ST8SIA5: variants seen among roughly 807,000 people sequenced by gnomAD.
ST8SIA5 encodes the protein ST8 alpha-N-acetyl-neuraminide alpha-2,8-sialyltransferase 5, also known as alpha-2,8-sialyltransferase 8E.
Under a neutral mutation model 40.2 loss-of-function variants are expected in ST8SIA5, and 24 were observed. The ratio of observed to expected loss-of-function variants is 0.60; its 90% CI spans 0.43 to 0.84. The LOEUF (loss-of-function observed/expected upper bound fraction) is 0.84. ST8SIA5 is among the 40% of genes least tolerant of loss of function. The probability of loss-of-function intolerance (pLI) is 0.00; values close to 1 mark genes in which losing one functional copy is unlikely to be tolerated. For synonymous variants in ST8SIA5, 198 were observed against 201.8 expected, an observed-to-expected ratio of 0.98 and a Z score of 0.16; for missense variants, 465 against 498.5, an observed-to-expected ratio of 0.93 and a Z score of 0.64.
chr18:46,691,555 A>G (rs1472396857), intron 3 of ST8SIA5: 1 of 152,856 alleles, frequency 6.5e-6, no homozygotes, highest in Non-Finnish European at 1.5e-5. Flanking sequence ...AGAAGACCCT[A>G]AAGTTCACCA....
At chr18:46,688,168 GCCCTGCA>G (rs948595254) in intron 4 of ST8SIA5, among the ~76,000 whole-genome samples, 1 of 152,196 alleles carries the variant, frequency 6.6e-6, no homozygotes. Flanking sequence ...CACCGTGCCA[GCCCTGCA>G]CAGCCTACCT....
intron 1 of ST8SIA5, among the ~76,000 whole-genome samples, chr18:46,747,156 C>A (rs11082556): frequency 0.72 from 110,041 of 152,058 alleles, 40,327 homozygotes; most frequent in Middle Eastern, 0.8. Flanking sequence ...GGACATAGGC[C>A]TGGGCAAGGA....
chr18:46,685,285 G>A (rs1040923268), intron 5 of ST8SIA5, among the ~76,000 whole-genome samples: 2 of 152,162 alleles, frequency 1.3e-5, no homozygotes, highest in African/African-American at 4.8e-5. Context: ...CAGGAATGTG[G>A]CTGGGCTAAG....
At chr18:46,753,487 G>A (rs2040213759) in intron 1 of ST8SIA5, among the ~76,000 whole-genome samples, 2 of 151,870 alleles carry the variant, frequency 1.3e-5, no homozygotes, top group Non-Finnish European at 1.5e-5. Flanking sequence ...GCAGGAGAAT[G>A]GCCTGAACCC....
chr18:46,703,176 C>T (rs1378175443), intron 2 of ST8SIA5, among the ~76,000 whole-genome samples: 3 of 152,198 alleles, frequency 2.0e-5, no homozygotes, highest in East Asian at 1.9e-4. Context: ...GACGGAGTCT[C>T]GCTCTGTCAC....
intron 1 of ST8SIA5, among the ~76,000 whole-genome samples, chr18:46,707,804 C>T (rs1005280000): frequency 6.6e-6 from 1 of 152,194 alleles, no homozygotes; most frequent in African/African-American, 2.4e-5. Context: ...GACTCCTCTT[C>T]CCTTTTACTA....
chr18:46,729,595 C>T (rs1599140717), intron 1 of ST8SIA5, among the ~76,000 whole-genome samples: 1 of 152,146 alleles, frequency 6.6e-6, no homozygotes, highest in African/African-American at 2.4e-5. Context: ...AACTCCCACC[C>T]AAGAGACAAG....
intron 1 of ST8SIA5, among the ~76,000 whole-genome samples, chr18:46,714,603 A>G (rs1322212437): frequency 1.3e-5 from 2 of 152,046 alleles, no homozygotes; most frequent in South Asian, 4.1e-4. Context: ...CCAGGGAGGG[A>G]GTGCTATCCC....
chr18:46,684,935 C>T (rs2144465945), intron 5 of ST8SIA5, among the ~76,000 whole-genome samples: 1 of 152,178 alleles, frequency 6.6e-6, no homozygotes, highest in South Asian at 2.1e-4. Flanking sequence ...CGGCAGTTGG[C>T]AACGCAGGAT....
At chr18:46,695,398 T>C (rs1668437361) in intron 2 of ST8SIA5, among the ~76,000 whole-genome samples, 1 of 152,184 alleles carries the variant, frequency 6.6e-6, no homozygotes. Context: ...TTCAGATAGC[T>C]GCCAACTATG....
intron 1 of ST8SIA5, among the ~76,000 whole-genome samples, chr18:46,735,078 T>C (rs1460728073): frequency 6.6e-6 from 1 of 152,256 alleles, no homozygotes; most frequent in Admixed American, 6.5e-5. Context: ...GCCTTCATCT[T>C]TCTCCATGCT....
chr18:46,680,622 G>C, intron 6 of ST8SIA5, 112 bp from the exon 7 acceptor site: 1 of 1,106,730 alleles, frequency 9.0e-7, no homozygotes, highest in Non-Finnish European at 1.3e-6. Flanking sequence ...GACTCATAAG[G>C]CCACCTGCCT....
intron 1 of ST8SIA5, among the ~76,000 whole-genome samples, chr18:46,744,791 C>T (rs931304843): frequency 1.3e-4 from 20 of 152,142 alleles, no homozygotes; most frequent in Admixed American, 7.9e-4. Context: ...CGCACTTATT[C>T]TAAAATTGAC....
chr18:46,704,200 C>T (rs868593834), intron 2 of ST8SIA5, among the ~76,000 whole-genome samples: 33 of 152,138 alleles, frequency 2.2e-4, no homozygotes, highest in African/African-American at 6.8e-4. Context: ...AAGAGGGCAA[C>T]GCTTAACCCT....
intron 1 of ST8SIA5, among the ~76,000 whole-genome samples, chr18:46,725,134 T>C (rs999217489): frequency 1.3e-5 from 2 of 152,178 alleles, no homozygotes; most frequent in Non-Finnish European, 2.9e-5. Flanking sequence ...AGAGGTTTAG[T>C]AGCTTGCCCA....
intron 1 of ST8SIA5, among the ~76,000 whole-genome samples, chr18:46,706,602 T>C (rs1250214206): frequency 2.6e-5 from 4 of 152,206 alleles, no homozygotes; most frequent in Non-Finnish European, 5.9e-5. Flanking sequence ...CACGAGCATC[T>C]CAAACACAGA....
chr18:46,682,641 T>A (rs1360639396), intron 5 of ST8SIA5, among the ~76,000 whole-genome samples: 2 of 152,240 alleles, frequency 1.3e-5, no homozygotes, highest in East Asian at 3.9e-4. Context: ...CCTGTGACTA[T>A]GCAGCCTTAC....
intron 2 of ST8SIA5, among the ~76,000 whole-genome samples, chr18:46,698,534 C>T (rs633780): frequency 0.44 from 67,576 of 152,040 alleles, 15,192 homozygotes; most frequent in East Asian, 0.59. Flanking sequence ...CCACCCACCA[C>T]GCCAACAGTC....
intron 1 of ST8SIA5, among the ~76,000 whole-genome samples, chr18:46,705,101 C>T (rs1028149597): frequency 6.6e-6 from 1 of 152,312 alleles, no homozygotes; most frequent in African/African-American, 2.4e-5. Flanking sequence ...CATTCCCTGC[C>T]CCTTTCCCAC....
Sources: allele counts gnomAD v4.1 joint callset (sites outside exome capture counted in the v4.1 genomes callset), GRCh38; gene constraint gnomAD v4.1.1; transcripts MANE v1.5; gene names NCBI Gene and HGNC (gene_info 2026-07-23, HGNC 2026-07-21).